Variants in TCF25 observed in about 807,000 individuals in gnomAD.
The protein encoded by TCF25 is TCF25 ribosome quality control complex subunit.
A neutral mutation model predicts 83.1 loss-of-function variants in TCF25; 41 were observed. The ratio of observed to expected loss-of-function variants is 0.49; its 90% CI spans 0.38 to 0.64. The LOEUF is 0.64. Among genes scored for constraint, TCF25 ranks in the 30% least tolerant of loss-of-function variants. TCF25 has a pLI of 0.00. For missense variants in TCF25, 979 were observed against 914.5 expected (o/e 1.07, Z -0.91); for synonymous variants, 458 against 365.0 (o/e 1.25, Z -2.90).
chr16:89,882,119 C>T (rs2042654831), intron 1 of TCF25, among the ~76,000 whole-genome samples: 1 of 152,198 alleles, frequency 6.6e-6, no homozygotes, highest in Non-Finnish European at 1.5e-5. Flanking sequence ...CTGCCTGTCT[C>T]CCCTCCAATC....
intron 4 of TCF25, among the ~76,000 whole-genome samples, chr16:89,886,300 G>A (rs568106312): frequency 4.6e-5 from 7 of 152,144 alleles, no homozygotes; most frequent in East Asian, 1.9e-4. Flanking sequence ...GGTAGCGGGC[G>A]CCTTATAGTC....
Position 89,886,105 on chromosome 16 carries a change from T to A in TCF25, c.548+139T>A, listed in dbSNP as rs1301455048. ...AAAAGGTTCTCTAAAAAAGGAAAAATAAAATGTACTGTCTTTATTTAAAAA... is the reference window on the plus strand; with the variant it reads ...AAAAGGTTCTCTAAAAAAGGAAAAAAAAAATGTACTGTCTTTATTTAAAAA... On this transcript the variant is annotated intron_variant, in intron 4 of 17. Coordinates refer to ENST00000263346, the MANE Select transcript of TCF25 (RefSeq NM_014972.3). The A allele has an allele frequency of 4.2e-6, 3 of 719,166 alleles. No individual in the cohort carries two copies. The South Asian group carries it at 4.4e-5, about 11-fold the overall frequency. 44.5% of individuals were successfully genotyped at this position (719,166 alleles called of 1,614,324 possible).
In TCF25 at chr16:89,885,873, G is replaced by T. The variant is rs765160503; in HGVS notation, c.455G>T (p.Arg152Leu). ...ASENGLEDID[R>L]ILERIEDSTG... ...GAAAACGGACTAGAAGATATCGATC[G>T]CATCCTAGAGAGGATTGAGGACAGC... is the stretch of plus-strand genomic sequence containing the variant. The change falls in exon 4 of 18, where the codon CGC becomes CTC. Residue 152 changes from arginine to leucine, a missense_variant. By Grantham distance (102) the Arg-to-Leu change is moderately radical. Transcript: ENST00000263346. 7 of 1,613,002 alleles carry T rather than the reference G, an allele frequency of 4.3e-6. No individual in the cohort carries two copies. In the East Asian group the frequency reaches 8.9e-5, roughly 21 times the overall value.
chr16:89,893,715 T>A lies in TCF25; in HGVS notation c.698-13T>A. The A allele has an allele frequency of 6.2e-7, 1 of 1,613,408 alleles. No individual in the cohort carries two copies. Among genetic ancestry groups the A allele is most frequent in the Non-Finnish European group, 8.5e-7 (1 of 1,179,894 alleles). The stretch of plus-strand genomic sequence containing the variant: ...CTCCCGGCACACCCTCCCTGAGCAC[T>A]CTCCCCTCCCAGGTCTGTCCATGCG... On this transcript the variant is annotated splice_polypyrimidine_tract_variant and intron_variant, in intron 6 of 17. Transcript: ENST00000263346.
At chr16:89,878,854 G>T (rs1038721834) in intron 1 of TCF25, among the ~76,000 whole-genome samples, 1 of 152,174 alleles carries the variant, frequency 6.6e-6, no homozygotes, top group African/African-American at 2.4e-5. Context: ...TGTTAGCGAG[G>T]ATGGTCTTGA....
intron 1 of TCF25, among the ~76,000 whole-genome samples, chr16:89,880,107 C>A (rs973352676): frequency 5.9e-5 from 9 of 152,166 alleles, no homozygotes; most frequent in Non-Finnish European, 1.3e-4. Context: ...GCTCCCGGGC[C>A]TATCATGTGT....
chr16:89,886,436 AATAAT>A (rs1369275831), intron 4 of TCF25, among the ~76,000 whole-genome samples: 27 of 149,468 alleles, frequency 1.8e-4, no homozygotes, highest in African/African-American at 6.4e-4. Context: ...TCAAAAAAAT[AATAAT>A]AATAATAATA....
chr16:89,899,091 CCTCATACGTGTGTACACATG>C (rs1286030462), intron 11 of TCF25, among the ~76,000 whole-genome samples: 1 of 152,164 alleles, frequency 6.6e-6, no homozygotes, highest in Non-Finnish European at 1.5e-5. Context: ...ATGTCAGAAT[CCTCATACGTGTGTACACATG>C]CTCAAACGTG....
At chr16:89,882,059 C>T (rs2042651181) in intron 1 of TCF25, among the ~76,000 whole-genome samples, 1 of 152,130 alleles carries the variant, frequency 6.6e-6, no homozygotes, top group African/African-American at 2.4e-5. Context: ...CCCGGTCAGC[C>T]TCTCACTAGC....
intron 14 of TCF25, among the ~76,000 whole-genome samples, chr16:89,905,311 G>C (rs558517738): frequency 6.6e-6 from 1 of 152,278 alleles, no homozygotes; most frequent in Non-Finnish European, 1.5e-5. Context: ...GCAGGGTACC[G>C]AGCTGCTGTT....
chr16:89,908,626 GC>G (rs2045241648), intron 16 of TCF25, among the ~76,000 whole-genome samples: 1 of 10,102 alleles, frequency 9.9e-5, no homozygotes, highest in Non-Finnish European at 2.1e-4. Context: ...CCACCTCCCA[GC>G]TCCCACCTCC....
chr16:89,896,126 TCTC>T (rs755851399), intron 9 of TCF25, 43 bp downstream of exon 9: 38 of 1,586,818 alleles, frequency 2.4e-5, no homozygotes, highest in Non-Finnish European at 2.7e-5. Flanking sequence ...CCCCTTCCCT[TCTC>T]CTGCGAGTGA....
chr16:89,877,920 CAT>C (rs1378814250), intron 1 of TCF25, among the ~76,000 whole-genome samples: 5 of 152,234 alleles, frequency 3.3e-5, no homozygotes, highest in Admixed American at 6.5e-5. Context: ...TCTAAATTGA[CAT>C]GTGAAGAAAT....
intron 16 of TCF25, among the ~76,000 whole-genome samples, chr16:89,908,389 CT>C (rs2045170555): frequency 4.1e-5 from 6 of 145,186 alleles, no homozygotes; most frequent in Middle Eastern, 3.5e-3. Flanking sequence ...CACCTCCCTC[CT>C]TCCAGTTTCC....
At chr16:89,897,157 A>G (rs2043926442) in intron 9 of TCF25, among the ~76,000 whole-genome samples, 2 of 152,324 alleles carry the variant, frequency 1.3e-5, no homozygotes, top group African/African-American at 4.8e-5. Context: ...GAAGCTTTGG[A>G]AGGCTTTGCA....
intron 8 of TCF25, among the ~76,000 whole-genome samples, 183 bp from the exon 9 acceptor site, chr16:89,895,807 G>A (rs1198339320): frequency 6.6e-6 from 1 of 152,252 alleles, no homozygotes; most frequent in African/African-American, 2.4e-5. Context: ...CACAAGTTCT[G>A]TGGTTGAAAT....
At position 89,893,724 on chromosome 16, in the gene TCF25, C is replaced by T. The variant is rs749458114; in HGVS notation, c.698-4C>T. ...CACCCTCCCTGAGCACTCTCCCCTC[C>T]CAGGTCTGTCCATGCGGCTGCTGGA... On this transcript the variant is annotated splice_region_variant and splice_polypyrimidine_tract_variant and intron_variant, in intron 6 of 17. Coordinates refer to ENST00000263346, the MANE Select transcript of TCF25 (RefSeq NM_014972.3). 1.2e-6 allele frequency: 2 copies of T among 1,613,788 alleles called. No individual in the cohort carries two copies. The highest frequency in any genetic ancestry group is 1.7e-5 in the Admixed American group (1 of 60,028).
intron 1 of TCF25, among the ~76,000 whole-genome samples, chr16:89,876,566 A>G (rs966706956): frequency 6.6e-6 from 1 of 152,174 alleles, no homozygotes; most frequent in African/African-American, 2.4e-5. Flanking sequence ...GGAGGTGGGC[A>G]GATCACCTGA....
chr16:89,904,965 G>A lies in TCF25; in HGVS notation c.1497G>A (p.Val499=), dbSNP rs1406332094. 1 of 1,608,228 alleles carries A rather than the reference G, an allele frequency of 6.2e-7. No individual in the cohort carries two copies. Among genetic ancestry groups the A allele is most frequent in the Non-Finnish European group, 8.5e-7 (1 of 1,177,776 alleles). The change falls in exon 14 of 18, where the codon GTG becomes GTA. Residue 499 remains valine, a synonymous_variant. Coordinates refer to ENST00000263346, the MANE Select transcript of TCF25 (RefSeq NM_014972.3). ...ISQPPALSQL[V]NLYLGRSHFL... Reference sequence around the variant, plus strand: ...AGCCCCCTGCCCTGAGCCAGCTGGTGAACCTGTACCTTGGGAGGTCACACT... The same window carrying A: ...AGCCCCCTGCCCTGAGCCAGCTGGTAAACCTGTACCTTGGGAGGTCACACT...
Sources: gnomAD v4.1 joint callset for allele counts (sites outside exome capture counted in the v4.1 genomes callset) on GRCh38, gnomAD v4.1.1 for gene constraint, MANE v1.5 for transcripts, NCBI Gene and HGNC (gene_info 2026-07-23, HGNC 2026-07-21) for gene names.